Variants in DYNC2H1 observed in about 807,000 individuals in gnomAD.
The protein encoded by DYNC2H1 is dynein cytoplasmic 2 heavy chain 1, also known as cytoplasmic dynein 2 heavy chain 1.
A neutral mutation model predicts 570.0 loss-of-function variants in DYNC2H1; 410 were observed. The ratio of observed to expected loss-of-function variants is 0.72; its 90% CI spans 0.66 to 0.78. The LOEUF is 0.78. Among genes scored for constraint, DYNC2H1 ranks in the 30% least tolerant of loss-of-function variants. The pLI is 0.00. For missense variants in DYNC2H1, 4,865 were observed against 5,046.4 expected (o/e 0.96, Z 1.09); for synonymous variants, 1,688 against 1,677.6 (o/e 1.01, Z -0.15).
chr11:103,260,586 A>G (rs572025883), intron 70 of DYNC2H1, among the ~76,000 whole-genome samples: 1 of 151,740 alleles, frequency 6.6e-6, no homozygotes, highest in South Asian at 2.1e-4. Context: ...AATTTTAGAT[A>G]TTAGAAAACG....
chr11:103,452,554 T>C (rs897156818), intron 85 of DYNC2H1, among the ~76,000 whole-genome samples: 3 of 151,994 alleles, frequency 2.0e-5, no homozygotes, highest in African/African-American at 7.2e-5. Context: ...CTTTTTTTTT[T>C]TAGAAAGAGA....
At chr11:103,139,062 C>T (rs1435137395) in intron 17 of DYNC2H1, among the ~76,000 whole-genome samples, 1 of 149,752 alleles carries the variant, frequency 6.7e-6, no homozygotes. Context: ...TGGTGATATC[C>T]CCTTTATCAT....
chr11:103,208,878 G>A (rs1366957373), intron 52 of DYNC2H1, among the ~76,000 whole-genome samples: 2 of 152,076 alleles, frequency 1.3e-5, no homozygotes, highest in South Asian at 2.1e-4. Flanking sequence ...AGGAACAGGG[G>A]CAAATCAGGC....
intron 83 of DYNC2H1, among the ~76,000 whole-genome samples, chr11:103,385,436 G>A (rs1032092890): frequency 1.3e-5 from 2 of 151,806 alleles, no homozygotes; most frequent in Admixed American, 6.6e-5. Context: ...AGCTGAATCT[G>A]ATCTGTCAGC....
At chr11:103,456,207 T>G (rs1944780991) in intron 86 of DYNC2H1, 68 bp from the exon 87 acceptor site, 2 of 1,200,280 alleles carry the variant, frequency 1.7e-6, no homozygotes, top group Non-Finnish European at 2.4e-6. Flanking sequence ...GACTATATCT[T>G]CAGTTACTCT....
rs1441713966 is a variant in DYNC2H1, at chr11:103,228,480, G to A, written c.9354-2780G>A. Among the ~76,000 whole-genome samples, 4 of 152,158 alleles carry A rather than the reference G, an allele frequency of 2.6e-5. No individual in the cohort carries two copies. The highest frequency in any genetic ancestry group is 5.9e-5 in the Non-Finnish European group (4 of 68,018). ...CGCTTCTGGGTCTAGCTACCCAGCA[G>A]AGCTACTGGGCTCTGGGCTGGTGTT... On this transcript the variant is annotated intron_variant, in intron 59 of 88. Transcript: ENST00000375735. This position sits in a 1 kb window ranked among gnomAD's most constrained non-coding sequence, Gnocchi z 6.1.
intron 84 of DYNC2H1, among the ~76,000 whole-genome samples, chr11:103,421,161 T>G (rs774517901): frequency 1.3e-5 from 2 of 152,142 alleles, no homozygotes; most frequent in Non-Finnish European, 2.9e-5. Flanking sequence ...AAGGGCTCAA[T>G]TCAACATGAA....
intron 84 of DYNC2H1, among the ~76,000 whole-genome samples, chr11:103,431,204 A>G (rs1439682248): frequency 7.2e-6 from 1 of 138,540 alleles, no homozygotes; most frequent in Non-Finnish European, 1.5e-5. Context: ...CAACTTCTCT[A>G]TCATTTAGTT....
At chr11:103,433,863 T>C (rs904915905) in intron 84 of DYNC2H1, among the ~76,000 whole-genome samples, 1 of 152,130 alleles carries the variant, frequency 6.6e-6, no homozygotes, top group African/African-American at 2.4e-5. Flanking sequence ...GCCCGTTCCC[T>C]TTAAAACCAA....
chr11:103,293,207 C>CT lies in DYNC2H1; in HGVS notation c.11095+5610dup, dbSNP rs144938247. Among the ~76,000 whole-genome samples, 777 of 151,810 alleles carry CT rather than the reference C, an allele frequency of 5.1e-3. 4 individuals carry two copies. The highest frequency in any genetic ancestry group is 0.017 in the African/African-American group (685 of 41,384). ...TGGATATAATATTCTAAGTTGGAAGCTTTTTTTTGCCTTTAGCACTCTGGA... is the reference window on the plus strand; with the variant it reads ...TGGATATAATATTCTAAGTTGGAAGCTTTTTTTTTGCCTTTAGCACTCTGGA... On this transcript the variant is annotated intron_variant, in intron 75 of 88. Transcript: ENST00000375735.
intron 84 of DYNC2H1, chr11:103,405,798 T>A (rs1942841566): frequency 6.6e-6 from 1 of 151,944 alleles, no homozygotes; most frequent in Non-Finnish European, 1.5e-5. Context: ...TTCTGATGTC[T>A]TTGTGGGTAG....
intron 75 of DYNC2H1, among the ~76,000 whole-genome samples, chr11:103,290,648 A>G (rs3847570): frequency 0.17 from 25,120 of 152,032 alleles, 2,257 homozygotes; most frequent in Admixed American, 0.25. Context: ...CTTTGTCTCA[A>G]TCTTGCAGTT....
chr11:103,200,124 T>C lies in DYNC2H1; in HGVS notation c.8167T>C (p.Leu2723=), dbSNP rs1047801576. 1.3e-6 allele frequency: 2 copies of C among 1,581,600 alleles called. No homozygotes were observed. Among genetic ancestry groups the C allele is most frequent in the African/African-American group, 1.3e-5 (1 of 74,156 alleles). Residue 2723 remains leucine, a synonymous_variant, in exon 50 of 89, where the codon TTG becomes CTG. Transcript: ENST00000375735. Reference sequence around the variant, plus strand: ...TTACCAGTTTGTACATCCTACATTTTTGGAGATGATCAATAGCCTTTTGTC... The same window carrying C: ...TTACCAGTTTGTACATCCTACATTTCTGGAGATGATCAATAGCCTTTTGTC... ...EDYQFVHPTF[L]EMINSLLSSG... is the part of the protein sequence containing the mutation.
chr11:103,382,454 G>A (rs1941690733), intron 83 of DYNC2H1, among the ~76,000 whole-genome samples: 1 of 152,130 alleles, frequency 6.6e-6, no homozygotes, highest in African/African-American at 2.4e-5. Flanking sequence ...AACAAAAATA[G>A]TACTTTCTTA....
In DYNC2H1 at chr11:103,455,269, T is replaced by C. The variant is rs1374248346; in HGVS notation, c.12540T>C (p.Leu4180=). 4.3e-6 allele frequency: 7 copies of C among 1,613,330 alleles called. No homozygotes were observed. In the South Asian group the frequency reaches 6.6e-5, roughly 15 times the overall value. Residue 4180 remains leucine, a synonymous_variant, in exon 86 of 89, where the codon CTT becomes CTC. Transcript: ENST00000375735. Reference sequence around the variant, plus strand: ...AACTTTTCCATCCAGACACATTTCTTAATGCTCTTCGCCAGGAAACTGCAA... The same window carrying C: ...AACTTTTCCATCCAGACACATTTCTCAATGCTCTTCGCCAGGAAACTGCAA... ...LSELFHPDTF[L]NALRQETARA... is the part of the protein sequence containing the mutation.
chr11:103,312,671 A>T (rs1478636069), intron 79 of DYNC2H1, among the ~76,000 whole-genome samples: 1 of 143,834 alleles, frequency 7.0e-6, no homozygotes, highest in Non-Finnish European at 1.5e-5. Flanking sequence ...CTTTTCTGCT[A>T]ATCTAGACTG....
chr11:103,197,421 T>C (rs1030685066), intron 47 of DYNC2H1, among the ~76,000 whole-genome samples: 20 of 152,066 alleles, frequency 1.3e-4, no homozygotes, highest in African/African-American at 4.8e-4. Flanking sequence ...AGTTTGATAT[T>C]GCAATTGAAG....
intron 83 of DYNC2H1, among the ~76,000 whole-genome samples, chr11:103,382,893 G>A (rs1941714375): frequency 1.3e-5 from 2 of 152,166 alleles, no homozygotes; most frequent in Non-Finnish European, 2.9e-5. Context: ...ATAGAGAATT[G>A]GTAACACATG....
At position 103,325,851 on chromosome 11, in the gene DYNC2H1, C is replaced by T. The variant is rs756259849; in HGVS notation, c.12039+1861C>T. Among the ~76,000 whole-genome samples the T allele has an allele frequency of 1.1e-4, 16 of 152,184 alleles. No individual in the cohort carries two copies. The highest frequency in any genetic ancestry group is 2.2e-4 in the African/African-American group (9 of 41,506). ...CAGACATTTCAGTCTCATTAGGGAC[C>T]GTTGCTGGTGGGCGGGGGATGGGCG... On this transcript the variant is annotated intron_variant, in intron 82 of 88. Transcript: ENST00000375735. The surrounding 1 kb of genome is among the most constrained non-coding windows in gnomAD (Gnocchi z 4.8).
Sources: allele counts gnomAD v4.1 joint callset (sites outside exome capture counted in the v4.1 genomes callset), GRCh38; gene constraint gnomAD v4.1.1; non-coding constraint Gnocchi (gnomAD v3.1); transcripts MANE v1.5; gene names NCBI Gene and HGNC (gene_info 2026-07-23, HGNC 2026-07-21).